Variants in NLGN1 observed in about 807,000 individuals in gnomAD.
NLGN1 encodes the protein neuroligin 1, also known as neuroligin-1.
A neutral mutation model predicts 65.5 loss-of-function variants in NLGN1; 12 were observed. That is an observed-to-expected ratio of 0.18 (90% confidence interval 0.12 to 0.30). The LOEUF (loss-of-function observed/expected upper bound fraction) is 0.30, where lower values mean the gene tolerates loss of function less well. NLGN1 is among the 10% of genes least tolerant of loss of function. The pLI is 1.00. For missense variants in NLGN1, 750 were observed against 1,007.1 expected, an observed-to-expected ratio of 0.74 and a Z score of 3.46; for synonymous variants, 350 against 359.5, an observed-to-expected ratio of 0.97 and a Z score of 0.30.
chr3:173,405,466 T>C (rs1302594605), intron 1 of NLGN1, among the ~76,000 whole-genome samples: 1 of 152,022 alleles, frequency 6.6e-6, no homozygotes, highest in East Asian at 1.9e-4. Context: ...ATTTCAGATA[T>C]GTTAAAGGTG....
rs577351057 is a variant in NLGN1, at chr3:173,428,698, A to T, written c.-389-6312A>T. Among the ~76,000 whole-genome samples the T allele has an allele frequency of 4.0e-4, 61 of 152,130 alleles. 1 individual carries two copies. In the South Asian group the frequency reaches 0.012, roughly 30 times the overall value. On this transcript the variant is annotated intron_variant, in intron 1 of 6. Coordinates refer to ENST00000457714, the Ensembl canonical transcript of NLGN1. ...AGTGGTTGATACATCACAAGTTTAG[A>T]GTATTCTGCATTTGTATTTGTTCTT...
At chr3:174,257,304 G>A (rs1486425623) in intron 4 of NLGN1, among the ~76,000 whole-genome samples, 12 of 152,136 alleles carry the variant, frequency 7.9e-5, no homozygotes, top group Non-Finnish European at 1.8e-4. Context: ...TTACACTGTC[G>A]ATGGGAGTGT....
chr3:173,558,712 G>A (rs1742140531), intron 2 of NLGN1, among the ~76,000 whole-genome samples: 1 of 151,932 alleles, frequency 6.6e-6, no homozygotes, highest in South Asian at 2.1e-4. Context: ...AGTTATAATG[G>A]TTATTTTGAA....
Position 173,752,619 on chromosome 3 carries a change from C to G in NLGN1, c.494-55061C>G, listed in dbSNP as rs1168871626. On this transcript the variant is annotated intron_variant, in intron 3 of 6. Coordinates refer to ENST00000457714, the Ensembl canonical transcript of NLGN1. ...TTCTTACCTATAGCTGGACTTAATT[C>G]CCTTACTCCTCTCTCTTTCTGGAAC... is the stretch of plus-strand genomic sequence containing the variant. 3.3e-5 allele frequency among the ~76,000 whole-genome samples: 5 copies of G among 152,038 alleles called. No individual in the cohort carries two copies. The East Asian group carries it at 9.7e-4, about 29-fold the overall frequency.
intron 2 of NLGN1, among the ~76,000 whole-genome samples, chr3:173,483,952 A>G (rs977941312): frequency 5.3e-5 from 8 of 151,924 alleles, no homozygotes; most frequent in Non-Finnish European, 1.0e-4. Context: ...TCAGCAGTAC[A>G]TGAGAGTTAT....
chr3:173,699,477 A>AT (rs1453828862), intron 3 of NLGN1, among the ~76,000 whole-genome samples: 1 of 152,168 alleles, frequency 6.6e-6, no homozygotes, highest in Admixed American at 6.5e-5. Context: ...AAATGGCCTG[A>AT]TTTTTCCAGG....
At chr3:174,080,411 A>T (rs1457527539) in intron 4 of NLGN1, among the ~76,000 whole-genome samples, 1 of 152,186 alleles carries the variant, frequency 6.6e-6, no homozygotes, top group East Asian at 1.9e-4. Flanking sequence ...AGTAAAGTAC[A>T]TTTGGAAGAA....
intron 4 of NLGN1, among the ~76,000 whole-genome samples, chr3:174,227,252 C>A (rs1052523818): frequency 6.6e-6 from 1 of 152,064 alleles, no homozygotes; most frequent in Non-Finnish European, 1.5e-5. Context: ...GAATTCATTA[C>A]GTTAATCCAA....
intron 3 of NLGN1, among the ~76,000 whole-genome samples, chr3:173,673,039 G>A (rs1242644959): frequency 6.6e-6 from 1 of 152,168 alleles, no homozygotes; most frequent in Non-Finnish European, 1.5e-5. Context: ...AGACTGGTTT[G>A]TGATTAAAGG....
intron 2 of NLGN1, among the ~76,000 whole-genome samples, chr3:173,527,123 T>C (rs1017596280): frequency 2.0e-5 from 3 of 152,222 alleles, no homozygotes; most frequent in Non-Finnish European, 4.4e-5. Context: ...GTTCTATTTT[T>C]AGTTTCTTGA....
At chr3:174,271,041 C>A (rs1286984710) in intron 4 of NLGN1, among the ~76,000 whole-genome samples, 2 of 151,818 alleles carry the variant, frequency 1.3e-5, no homozygotes, top group East Asian at 1.9e-4. Context: ...ACTCAAAGAA[C>A]AAACCACAGT....
At chr3:173,673,715 G>A (rs1263224966) in intron 3 of NLGN1, among the ~76,000 whole-genome samples, 4 of 152,078 alleles carry the variant, frequency 2.6e-5, no homozygotes, top group Non-Finnish European at 4.4e-5. Context: ...TAACCACAAA[G>A]CCATGTACTT....
At chr3:174,113,102 T>C (rs1421738394) in intron 4 of NLGN1, among the ~76,000 whole-genome samples, 1 of 151,938 alleles carries the variant, frequency 6.6e-6, no homozygotes, top group Non-Finnish European at 1.5e-5. Flanking sequence ...CTACTTAAAA[T>C]AAAGTAATCC....
intron 4 of NLGN1, among the ~76,000 whole-genome samples, chr3:173,839,482 G>A (rs1194212895): frequency 6.6e-6 from 1 of 151,594 alleles, no homozygotes; most frequent in Non-Finnish European, 1.5e-5. Context: ...GAGTGCAGTG[G>A]CGTGACCTCA....
At chr3:173,744,279 G>C (rs929651978) in intron 3 of NLGN1, among the ~76,000 whole-genome samples, 1 of 152,088 alleles carries the variant, frequency 6.6e-6, no homozygotes, top group Non-Finnish European at 1.5e-5. Flanking sequence ...TGTTCAAAAA[G>C]TGTTTTTCTT....
intron 4 of NLGN1, among the ~76,000 whole-genome samples, chr3:174,194,625 T>C (rs1323143636): frequency 6.6e-6 from 1 of 151,474 alleles, no homozygotes; most frequent in Admixed American, 6.6e-5. Flanking sequence ...TTGATAAATA[T>C]AGTTATCTCA....
intron 4 of NLGN1, among the ~76,000 whole-genome samples, chr3:174,252,458 C>T (rs2152844187): frequency 6.6e-6 from 1 of 152,146 alleles, no homozygotes; most frequent in African/African-American, 2.4e-5. Context: ...AGGGAACATA[C>T]ACAATATAGT....
chr3:174,137,067 T>C (rs1358850242), intron 4 of NLGN1, among the ~76,000 whole-genome samples: 1 of 152,138 alleles, frequency 6.6e-6, no homozygotes, highest in Admixed American at 6.5e-5. Flanking sequence ...AGGTGTTGAA[T>C]ATCTCATGTA....
intron 4 of NLGN1, among the ~76,000 whole-genome samples, chr3:174,207,815 C>T (rs752260363): frequency 2.0e-4 from 30 of 152,150 alleles, no homozygotes; most frequent in Non-Finnish European, 3.1e-4. Flanking sequence ...CAGAAATTTG[C>T]ACATTCTAGG....
Sources: allele counts gnomAD v4.1 joint callset (sites outside exome capture counted in the v4.1 genomes callset), GRCh38; gene constraint gnomAD v4.1.1; transcripts MANE v1.5; gene names NCBI Gene and HGNC (gene_info 2026-07-23, HGNC 2026-07-21).